The following GLYATL1 variants were observed in gnomAD, a reference collection of about 807,000 sequenced individuals.
GLYATL1 encodes the protein glycine N-acyltransferase-like protein 1.
In GLYATL1, 15 loss-of-function variants were observed where a neutral mutation model predicts 20.0. The observed-to-expected ratio is 0.75, with a 90% confidence interval of 0.50 to 1.15. GLYATL1 has a LOEUF of 1.15. Among genes scored for constraint, GLYATL1 ranks in the 50% most tolerant of loss-of-function variants. GLYATL1 has a pLI of 0.00. For missense variants in GLYATL1, 380 were observed against 368.5 expected (o/e 1.03, Z -0.26); for synonymous variants, 151 against 131.5 (o/e 1.15, Z -1.01).
At chr11:58,912,765 T>A (rs905539724), downstream of GLYATL1, among the ~76,000 whole-genome samples, 1 of 149,970 alleles carries the variant, frequency 6.7e-6, no homozygotes, top group African/African-American at 2.4e-5. Flanking sequence ...GTCAGCAAAC[T>A]TTATTGACCA....
intron 1 of GLYATL1, among the ~76,000 whole-genome samples, chr11:58,906,160 C>G (rs544243859): frequency 2.6e-4 from 40 of 152,194 alleles, no homozygotes; most frequent in Admixed American, 5.2e-4. Flanking sequence ...GGTGGATGGC[C>G]GGCAGGGGCA....
upstream of GLYATL1, among the ~76,000 whole-genome samples, chr11:58,925,411 T>C (rs1855404661): frequency 6.6e-6 from 1 of 152,230 alleles, no homozygotes; most frequent in South Asian, 2.1e-4. Context: ...ATTTTTGACA[T>C]GCCTTAACTT....
At chr11:58,924,363 T>G (rs1414957360), upstream of GLYATL1, among the ~76,000 whole-genome samples, 1 of 152,208 alleles carries the variant, frequency 6.6e-6, no homozygotes, top group Non-Finnish European at 1.5e-5. Context: ...TAATCAGACT[T>G]AACCGGGGAA....
chr11:58,938,955 G>T (rs900653459), upstream of GLYATL1, among the ~76,000 whole-genome samples: 1 of 152,208 alleles, frequency 6.6e-6, no homozygotes, highest in African/African-American at 2.4e-5. Context: ...TCCTGATTCA[G>T]TTTGCCAGAA....
intron 1 of GLYATL1, among the ~76,000 whole-genome samples, chr11:58,921,443 C>T (rs1158995213): frequency 1.3e-5 from 2 of 152,182 alleles, no homozygotes; most frequent in African/African-American, 4.8e-5. Flanking sequence ...TCTTCAGCCC[C>T]TGCCATCCTG....
upstream of GLYATL1, among the ~76,000 whole-genome samples, chr11:58,926,472 G>A (rs947217517): frequency 6.6e-6 from 1 of 152,176 alleles, no homozygotes; most frequent in African/African-American, 2.4e-5. Context: ...AAACTTAATT[G>A]AGGCTGTAAA....
chr11:58,926,056 T>C (rs1252821551), upstream of GLYATL1, among the ~76,000 whole-genome samples: 1 of 152,214 alleles, frequency 6.6e-6, no homozygotes, highest in Non-Finnish European at 1.5e-5. Flanking sequence ...AGTGTTATTA[T>C]CAATGGATAC....
upstream of GLYATL1, among the ~76,000 whole-genome samples, chr11:58,937,659 T>G (rs1229277451): frequency 6.6e-6 from 1 of 152,176 alleles, no homozygotes; most frequent in East Asian, 1.9e-4. Flanking sequence ...CTTATTAATT[T>G]TATTATCCCT....
chr11:58,920,583 G>C (rs892871842), intron 1 of GLYATL1, among the ~76,000 whole-genome samples: 8 of 152,180 alleles, frequency 5.3e-5, no homozygotes, highest in African/African-American at 1.9e-4. Context: ...TCTGGCTTGA[G>C]AACACTTAAT....
intron 1 of GLYATL1, chr11:58,905,809 C>G: frequency 2.6e-6 from 1 of 383,894 alleles, no homozygotes; most frequent in South Asian, 1.9e-5. Context: ...GCGCGTGCGC[C>G]CAGGCGTGCA....
chr11:58,926,179 G>T (rs183381462), upstream of GLYATL1, among the ~76,000 whole-genome samples: 17 of 152,312 alleles, frequency 1.1e-4, no homozygotes, highest in Non-Finnish European at 1.9e-4. Flanking sequence ...ACGTGCCTGT[G>T]AGCTGGCAAT....
chr11:58,955,544 G>A, intron 6 of GLYATL1, 66 bp from the exon 7 acceptor site: 2 of 1,518,868 alleles, frequency 1.3e-6, no homozygotes. Context: ...TCTCTAGATT[G>A]GGATGGCACC....
At chr11:58,955,119 C>T (rs758076056) in intron 5 of GLYATL1, 57 bp from the exon 6 acceptor site, 29 of 1,489,440 alleles carry the variant, frequency 1.9e-5, no homozygotes, top group Admixed American at 1.1e-4. Context: ...CAGGTGGGAG[C>T]AGTGTAAGTA....
At chr11:58,950,595 G>C (rs913395938) in intron 4 of GLYATL1, among the ~76,000 whole-genome samples, 5 of 152,078 alleles carry the variant, frequency 3.3e-5, no homozygotes, top group Admixed American at 3.3e-4. Context: ...TTTCCAAAAG[G>C]AATATCTGCA....
chr11:58,948,006 A>AC, intron 4 of GLYATL1, 41 bp downstream of exon 4: 1 of 1,356,012 alleles, frequency 7.4e-7, no homozygotes, highest in Non-Finnish European at 1.1e-6. Flanking sequence ...AGGCAGGTCC[A>AC]CAGGGCCTGA....
At chr11:58,955,150 G>C in intron 5 of GLYATL1, 26 bp from the exon 6 acceptor site, 2 of 1,605,182 alleles carry the variant, frequency 1.2e-6, no homozygotes, top group Non-Finnish European at 1.7e-6. Context: ...TGTCTGACAA[G>C]ATTGCTTTCT....
chr11:58,919,389 C>T (rs1456738684), intron 1 of GLYATL1, among the ~76,000 whole-genome samples: 3 of 152,198 alleles, frequency 2.0e-5, no homozygotes, highest in Non-Finnish European at 4.4e-5. Context: ...TCAGCAGCTG[C>T]TTGAGTGTCC....
upstream of GLYATL1, among the ~76,000 whole-genome samples, chr11:58,936,159 G>A (rs1590784979): frequency 6.6e-6 from 1 of 152,178 alleles, no homozygotes; most frequent in Non-Finnish European, 1.5e-5. Flanking sequence ...AGGACTTATT[G>A]TTCAACATAT....
chr11:58,952,884 A>T (rs1307187439), intron 4 of GLYATL1, among the ~76,000 whole-genome samples: 4 of 152,224 alleles, frequency 2.6e-5, no homozygotes, highest in African/African-American at 9.7e-5. Context: ...TTCTTACAGA[A>T]ATTAAAACAG....
Sources: allele counts gnomAD v4.1 joint callset (sites outside exome capture counted in the v4.1 genomes callset), GRCh38; gene constraint gnomAD v4.1.1; transcripts MANE v1.5; gene names NCBI Gene and HGNC (gene_info 2026-07-23, HGNC 2026-07-21).